KDM4A: variants seen among roughly 807,000 people sequenced by gnomAD.
The protein encoded by KDM4A is lysine-specific demethylase 4A.
Under a neutral mutation model 127.1 loss-of-function variants are expected in KDM4A, and 23 were observed. The observed-to-expected ratio is 0.18, with a 90% CI of 0.13 to 0.26. The LOEUF (loss-of-function observed/expected upper bound fraction) is 0.26. KDM4A is among the 10% of genes least tolerant of loss of function. The probability of loss-of-function intolerance (pLI) is 1.00; values close to 1 mark genes in which losing one functional copy is unlikely to be tolerated. For synonymous variants in KDM4A, 443 were observed against 466.5 expected, an observed-to-expected ratio of 0.95 and a Z score of 0.65; for missense variants, 890 against 1,329.1, an observed-to-expected ratio of 0.67 and a Z score of 5.14.
Position 43,653,403 on chromosome 1 carries a change from C to T in KDM4A, c.138+90C>T, listed in dbSNP as rs1660164959. ...ACATTTGGGCCGGAACTGTGTTTTA[C>T]TGAAAGTTGGGTGGGGTGATGACTT... On this transcript the variant is annotated intron_variant, in intron 2 of 21. Transcript: ENST00000372396. 3.8e-6 allele frequency: 5 copies of T among 1,327,738 alleles called. 1 individual carries two copies. The highest frequency in any genetic ancestry group is 5.1e-6 in the Non-Finnish European group (5 of 985,086). The allele number at this position is 1,327,738 out of a possible 1,614,324, so 82.2% of individuals were successfully genotyped here. A position where few individuals can be genotyped will look rare whatever the true frequency, so the allele number is the denominator to read the frequency against.
chr1:43,659,229 G>C (rs1660316277), intron 3 of KDM4A, among the ~76,000 whole-genome samples: 1 of 152,136 alleles, frequency 6.6e-6, no homozygotes, highest in Non-Finnish European at 1.5e-5. Flanking sequence ...GGAGTTCGAG[G>C]CTACAGTAAG....
intron 2 of KDM4A, among the ~76,000 whole-genome samples, chr1:43,654,296 C>A (rs1163112015): frequency 6.6e-6 from 1 of 152,232 alleles, no homozygotes; most frequent in Admixed American, 6.5e-5. Flanking sequence ...TCTTCATCCA[C>A]CTTCTCCAGT....
chr1:43,679,717 C>G (rs1184620854), intron 11 of KDM4A, among the ~76,000 whole-genome samples: 1 of 152,180 alleles, frequency 6.6e-6, no homozygotes, highest in Non-Finnish European at 1.5e-5. Context: ...ATGTCTGCTG[C>G]AGAAGTTCTT....
chr1:43,697,854 G>C lies in KDM4A; in HGVS notation c.2682G>C (p.Gly894=), dbSNP rs1333598117. Reference sequence around the variant, plus strand: ...CTGTTTTTTTCCAGCGTGCCAAGGGGGCCTTGCAAAGCATCACTGCAGGCC... The same window carrying C: ...CTGTTTTTTTCCAGCGTGCCAAGGGCGCCTTGCAAAGCATCACTGCAGGCC... ...HKIPNLERAK[G]ALQSITAGQK... The change falls in exon 19 of 22, where the codon GGG becomes GGC. Residue 894 remains glycine, a synonymous_variant. Coordinates refer to ENST00000372396, the MANE Select transcript of KDM4A (RefSeq NM_014663.3). 3 of 1,611,962 alleles carry C rather than the reference G, an allele frequency of 1.9e-6. No homozygotes were observed. Among genetic ancestry groups the C allele is most frequent in the South Asian group, 1.1e-5 (1 of 90,886 alleles).
At chr1:43,653,869 T>G (rs1378158106) in intron 2 of KDM4A, 1 of 152,228 alleles carries the variant, frequency 6.6e-6, no homozygotes, top group African/African-American at 2.4e-5. Context: ...TCAGGTTGAG[T>G]GCTGGAAGCT....
chr1:43,666,705 G>T, intron 7 of KDM4A, 150 bp downstream of exon 7: 1 of 724,126 alleles, frequency 1.4e-6, no homozygotes, highest in Non-Finnish European at 2.3e-6. Context: ...ATTAAAGGTG[G>T]GGCCACTGTA....
At chr1:43,696,087 C>T (rs1200343606) in intron 18 of KDM4A, among the ~76,000 whole-genome samples, 1 of 152,178 alleles carries the variant, frequency 6.6e-6, no homozygotes, top group African/African-American at 2.4e-5. Flanking sequence ...ATAGTTAAAT[C>T]TAGTTCCCAT....
At chr1:43,698,531 T>C (rs1207819641) in intron 19 of KDM4A, among the ~76,000 whole-genome samples, 1 of 152,200 alleles carries the variant, frequency 6.6e-6, no homozygotes, top group African/African-American at 2.4e-5. Context: ...TGGCCCCACA[T>C]GGACCCAGTC....
intron 15 of KDM4A, 89 bp from the exon 16 acceptor site, chr1:43,692,167 G>A (rs1407663945): frequency 1.8e-6 from 2 of 1,103,298 alleles, no homozygotes; most frequent in Non-Finnish European, 2.8e-6. Context: ...TTATGTGGAG[G>A]AGTTGCCCAA....
intron 16 of KDM4A, among the ~76,000 whole-genome samples, chr1:43,692,897 C>T (rs772596165): frequency 2.4e-4 from 37 of 152,246 alleles, no homozygotes; most frequent in Non-Finnish European, 4.7e-4. Context: ...GAGGTGGAAA[C>T]GTAAGATGAA....
intron 11 of KDM4A, among the ~76,000 whole-genome samples, chr1:43,681,762 C>T (rs1410935397): frequency 6.6e-6 from 1 of 152,162 alleles, no homozygotes; most frequent in East Asian, 1.9e-4. Flanking sequence ...AGGAATAAAG[C>T]AAAATGAACT....
intron 11 of KDM4A, among the ~76,000 whole-genome samples, chr1:43,676,088 T>TAAA (rs533210766): frequency 1.4e-4 from 13 of 91,202 alleles, no homozygotes; most frequent in African/African-American, 2.7e-4. Context: ...CTCAAAAAGA[T>TAAA]AAAAAAAAAA....
chr1:43,657,972 C>T (rs1323502591), intron 3 of KDM4A, among the ~76,000 whole-genome samples: 1 of 149,088 alleles, frequency 6.7e-6, no homozygotes, highest in East Asian at 2.0e-4. Flanking sequence ...CTCGCTTTTT[C>T]TTCTTTTAGC....
At chr1:43,699,098 T>A (rs912656690) in intron 19 of KDM4A, among the ~76,000 whole-genome samples, 13 of 149,664 alleles carry the variant, frequency 8.7e-5, no homozygotes, top group Non-Finnish European at 1.3e-4. Flanking sequence ...CTTATTTTTT[T>A]TTTTTTTTTT....
At chr1:43,655,024 T>C (rs979237627) in intron 2 of KDM4A, among the ~76,000 whole-genome samples, 3 of 152,126 alleles carry the variant, frequency 2.0e-5, no homozygotes, top group African/African-American at 4.8e-5. Context: ...CTAATTTTTG[T>C]GTTTTTAGTA....
rs1156278931 is a variant in KDM4A at position 43,704,131 on chromosome 1, C to T, written c.3054+19C>T. ...TAGACTGGTGAGTATTTTCTGTGTCCCCCCAGTTCCTGTCTTGGAGGGAGG... is the reference window on the plus strand; with the variant it reads ...TAGACTGGTGAGTATTTTCTGTGTCTCCCCAGTTCCTGTCTTGGAGGGAGG... On this transcript the variant is annotated intron_variant, in intron 21 of 21. Coordinates refer to ENST00000372396, the MANE Select transcript of KDM4A (RefSeq NM_014663.3). 2 of 1,612,414 alleles carry T rather than the reference C, an allele frequency of 1.2e-6. No individual in the cohort carries two copies. Among genetic ancestry groups the T allele is most frequent in the Non-Finnish European group, 1.7e-6 (2 of 1,178,544 alleles).
At chr1:43,667,640 C>G (rs1660529066) in intron 8 of KDM4A, 132 bp from the exon 9 acceptor site, 1 of 1,208,308 alleles carries the variant, frequency 8.3e-7, no homozygotes, top group African/African-American at 1.5e-5. Flanking sequence ...TGCCCTCAGC[C>G]TGTGAACCAA....
intron 12 of KDM4A, among the ~76,000 whole-genome samples, chr1:43,685,752 C>T (rs953744086): frequency 2.1e-5 from 3 of 143,768 alleles, no homozygotes; most frequent in East Asian, 2.1e-4. Flanking sequence ...TGGGCGACAG[C>T]GAGTCTCTGT....
intron 11 of KDM4A, among the ~76,000 whole-genome samples, chr1:43,672,681 AG>A (rs924294304): frequency 2.0e-5 from 3 of 151,708 alleles, no homozygotes; most frequent in African/African-American, 2.4e-5. Context: ...TTTTTAGTAG[AG>A]ACTGGGTTTC....
Sources: gnomAD v4.1 joint callset for allele counts (sites outside exome capture counted in the v4.1 genomes callset) on GRCh38, gnomAD v4.1.1 for gene constraint, MANE v1.5 for transcripts, NCBI Gene and HGNC (gene_info 2026-07-23, HGNC 2026-07-21) for gene names.